Variants in OR56A3 observed in about 807,000 individuals in gnomAD.
OR56A3 encodes olfactory receptor family 56 subfamily A member 3, also known as olfactory receptor 56A3.
OR56A3 carries 23 observed loss-of-function variants against 17.5 expected under a neutral mutation model. The ratio of observed to expected loss-of-function variants is 1.32; its 90% CI spans 0.95 to 1.87. The LOEUF is 1.87. Ranked by LOEUF, OR56A3 falls within the 40% of genes most tolerant of loss-of-function variation. The probability of loss-of-function intolerance (pLI) is 0.00; values close to 1 mark genes in which losing one functional copy is unlikely to be tolerated. For synonymous variants in OR56A3, 175 were observed against 150.6 expected (o/e 1.16, Z -1.19); for missense variants, 366 against 380.1 (o/e 0.96, Z 0.31).
At chr11:5,998,597 T>C in the OR56A3 span, among the ~76,000 whole-genome samples, 1 of 152,196 alleles carries the variant, frequency 6.6e-6, no homozygotes, top group African/African-American at 2.4e-5. Flanking sequence ...AAGTGACACC[T>C]GATTTTGAGA....
chr11:5,953,617 A>C (rs1342384025), downstream of OR56A3, among the ~76,000 whole-genome samples: 3 of 152,200 alleles, frequency 2.0e-5, no homozygotes, highest in African/African-American at 4.8e-5. Flanking sequence ...TAAAGAGTAC[A>C]GACCCAAATC....
At chr11:6,005,040 G>C in the OR56A3 span, among the ~76,000 whole-genome samples, 20 of 152,108 alleles carry the variant, frequency 1.3e-4, no homozygotes, top group Non-Finnish European at 2.4e-4. Context: ...GTGTAATGTG[G>C]TTTAAAAGTT....
the OR56A3 span, among the ~76,000 whole-genome samples, chr11:5,969,407 G>C: frequency 1.3e-5 from 2 of 152,158 alleles, no homozygotes; most frequent in Non-Finnish European, 2.9e-5. Flanking sequence ...AGAAACATCA[G>C]ATGCAAGTCC....
chr11:6,015,603 A>G, the OR56A3 span, among the ~76,000 whole-genome samples: 1 of 152,234 alleles, frequency 6.6e-6, no homozygotes, highest in African/African-American at 2.4e-5. Flanking sequence ...ACAGGGGCAG[A>G]GCTGTCCAAG....
At chr11:5,994,365 T>C in the OR56A3 span, 3 of 700,666 alleles carry the variant, frequency 4.3e-6, no homozygotes, top group East Asian at 2.9e-5. Context: ...CCAGTACTTG[T>C]CCAGCTTCTC....
At chr11:6,015,824 G>A in the OR56A3 span, among the ~76,000 whole-genome samples, 1 of 152,204 alleles carries the variant, frequency 6.6e-6, no homozygotes, top group Non-Finnish European at 1.5e-5. Context: ...CAGGTTCATA[G>A]GTGGAAGGGA....
At chr11:5,958,871 A>G in the OR56A3 span, among the ~76,000 whole-genome samples, 6 of 152,206 alleles carry the variant, frequency 3.9e-5, no homozygotes, top group African/African-American at 1.4e-4. Context: ...TATAAATGAG[A>G]AAATGTAATG....
At chr11:5,994,512 T>C in the OR56A3 span, 14 of 876,554 alleles carry the variant, frequency 1.6e-5, no homozygotes, top group African/African-American at 2.1e-4. Flanking sequence ...TTTACTTCCT[T>C]TTCATGGTTC....
the OR56A3 span, among the ~76,000 whole-genome samples, chr11:5,992,173 T>C: frequency 6.6e-6 from 1 of 152,216 alleles, no homozygotes; most frequent in African/African-American, 2.4e-5. Context: ...TAGTGGATGC[T>C]GTTGTTCAAT....
At chr11:5,958,648 C>A in the OR56A3 span, among the ~76,000 whole-genome samples, 1 of 152,132 alleles carries the variant, frequency 6.6e-6, no homozygotes, top group African/African-American at 2.4e-5. Flanking sequence ...GACCTCCACT[C>A]TCTTTGGGCT....
At chr11:6,002,824 A>T in the OR56A3 span, 2 of 1,613,818 alleles carry the variant, frequency 1.2e-6, no homozygotes. Context: ...TGGTGCAGAG[A>T]GGCCTCCAGC....
At position 5,947,890 on chromosome 11, in the gene OR56A3, A is replaced by C; in HGVS notation, c.544A>C (p.Ile182Leu). The C allele has an allele frequency of 6.2e-7, 1 of 1,614,212 alleles. No individual in the cohort carries two copies. Among genetic ancestry groups the C allele is most frequent in the Non-Finnish European group, 8.5e-7 (1 of 1,180,038 alleles). Residue 182 changes from isoleucine to leucine, a missense_variant, in exon 3 of 3, where the codon ATC becomes CTC. Physicochemically the swap from Ile to Leu is conservative, Grantham distance 5. Coordinates refer to ENST00000641160, the MANE Select transcript of OR56A3 (RefSeq NM_001003443.3). Reference protein sequence around the residue: ...YCGRNVIENCICANMSVSRLS... With the variant: ...YCGRNVIENCLCANMSVSRLS... ...TGGAAGAAATGTCATTGAGAACTGCATCTGTGCCAATATGTCTGTTTCCAG... is the reference window on the plus strand; with the variant it reads ...TGGAAGAAATGTCATTGAGAACTGCCTCTGTGCCAATATGTCTGTTTCCAG...
At chr11:5,961,083 G>C in the OR56A3 span, among the ~76,000 whole-genome samples, 1 of 151,286 alleles carries the variant, frequency 6.6e-6, no homozygotes, top group African/African-American at 2.4e-5. Context: ...CGCCCCATCC[G>C]GGAGCTGGGG....
the OR56A3 span, among the ~76,000 whole-genome samples, chr11:6,006,050 AAG>A: frequency 6.6e-6 from 1 of 152,192 alleles, no homozygotes; most frequent in South Asian, 2.1e-4. Context: ...ATGGAGAAGA[AAG>A]AGTAATTTTG....
the OR56A3 span, among the ~76,000 whole-genome samples, chr11:5,991,667 C>T: frequency 6.6e-6 from 1 of 152,196 alleles, no homozygotes; most frequent in Admixed American, 6.5e-5. Flanking sequence ...CAGAATTCAG[C>T]TGGCCATAGT....
At chr11:6,008,487 A>C in the OR56A3 span, among the ~76,000 whole-genome samples, 1 of 152,214 alleles carries the variant, frequency 6.6e-6, no homozygotes, top group Admixed American at 6.5e-5. Context: ...CTTATAAATA[A>C]ATAATTCCTC....
At chr11:6,004,278 T>TG in the OR56A3 span, among the ~76,000 whole-genome samples, 7 of 151,850 alleles carry the variant, frequency 4.6e-5, no homozygotes, top group Admixed American at 3.9e-4. Flanking sequence ...GAACCAGACC[T>TG]GGGGGGCGGA....
At chr11:5,988,544 TTAAG>T in the OR56A3 span, among the ~76,000 whole-genome samples, 1 of 152,214 alleles carries the variant, frequency 6.6e-6, no homozygotes, top group African/African-American at 2.4e-5. Flanking sequence ...TAAACATTAA[TTAAG>T]TAATATATGT....
chr11:6,020,187 C>T, the OR56A3 span: 1 of 152,220 alleles, frequency 6.6e-6, no homozygotes, highest in South Asian at 2.1e-4. Context: ...TGTTTCCAAT[C>T]AAATACCAGG....
Sources: allele counts gnomAD v4.1 joint callset (sites outside exome capture counted in the v4.1 genomes callset), GRCh38; gene constraint gnomAD v4.1.1; transcripts MANE v1.5; gene names NCBI Gene and HGNC (gene_info 2026-07-23, HGNC 2026-07-21).